PCDH11X: variants seen among roughly 807,000 people sequenced by gnomAD.
PCDH11X encodes the protein protocadherin-11 X-linked.
In PCDH11X, 18 loss-of-function variants were observed where a neutral mutation model predicts 53.3. The observed-to-expected ratio is 0.34, with a 90% CI of 0.23 to 0.50. PCDH11X has a LOEUF of 0.50. Among genes scored for constraint, PCDH11X ranks in the 20% least tolerant of loss-of-function variants. The probability of loss-of-function intolerance (pLI) is 0.98; values close to 1 mark genes in which losing one functional copy is unlikely to be tolerated. For synonymous variants in PCDH11X, 279 were observed against 393.3 expected (o/e 0.71, Z 3.44); for missense variants, 570 against 1,032.4 (o/e 0.55, Z 6.14).
intron 9 of PCDH11X, among the ~76,000 whole-genome samples, chrX:92,466,189 T>A (rs1206273281): frequency 9.0e-6 from 1 of 111,020 alleles, no homozygotes; most frequent in Non-Finnish European, 1.9e-5. Flanking sequence ...AAAATTCGGT[T>A]GGATTATTTA....
intron 8 of PCDH11X, among the ~76,000 whole-genome samples, chrX:92,295,594 A>G: frequency 9.1e-6 from 1 of 110,147 alleles, no homozygotes; most frequent in Non-Finnish European, 1.9e-5. Flanking sequence ...TCTTAGTGAG[A>G]AAGCACCCAA....
intron 6 of PCDH11X, among the ~76,000 whole-genome samples, chrX:92,160,171 T>C (rs2065616033): frequency 1.8e-5 from 2 of 109,600 alleles, no homozygotes; most frequent in African/African-American, 6.7e-5. Flanking sequence ...TTTTTTAATT[T>C]CCATAGGTTA....
intron 6 of PCDH11X, among the ~76,000 whole-genome samples, chrX:92,025,754 CAT>C (rs2062960866): frequency 9.3e-6 from 1 of 107,985 alleles, no homozygotes; most frequent in Non-Finnish European, 1.9e-5. Context: ...CACAAGCACA[CAT>C]ATGTTTATTG....
intron 6 of PCDH11X, among the ~76,000 whole-genome samples, chrX:91,892,231 C>A (rs1007779352): frequency 9.4e-6 from 1 of 106,677 alleles, no homozygotes; most frequent in African/African-American, 3.4e-5. Flanking sequence ...TGACATTTGT[C>A]CCGTTGCCAT....
chrX:92,128,295 T>C (rs1309371409), intron 6 of PCDH11X, among the ~76,000 whole-genome samples: 1 of 110,740 alleles, frequency 9.0e-6, no homozygotes, highest in Admixed American at 9.8e-5. Context: ...GGAATACACC[T>C]GCTGAAAAAT....
chrX:91,982,586 A>G, intron 6 of PCDH11X: 1 of 502,561 alleles, frequency 2.0e-6, no homozygotes, highest in Non-Finnish European at 3.5e-6. Context: ...ATTAAAAGAT[A>G]CACTAAATTC....
chrX:91,938,697 A>G (rs2147852052), intron 6 of PCDH11X, among the ~76,000 whole-genome samples: 1 of 111,107 alleles, frequency 9.0e-6, no homozygotes, highest in African/African-American at 3.3e-5. Flanking sequence ...ATACATGGCT[A>G]GAAATAGTGC....
At chrX:92,161,246 A>G (rs752261852) in intron 6 of PCDH11X, among the ~76,000 whole-genome samples, 12 of 111,745 alleles carry the variant, frequency 1.1e-4, no homozygotes, top group Non-Finnish European at 1.9e-4. Flanking sequence ...GTTTGTCTGA[A>G]AAAGACTGTA....
At chrX:92,556,800 C>T (rs886656084) in intron 10 of PCDH11X, among the ~76,000 whole-genome samples, 1 of 105,108 alleles carries the variant, frequency 9.5e-6, no homozygotes, top group Non-Finnish European at 2.0e-5. Context: ...TCACATTTCC[C>T]TTCTGCACTG....
At chrX:92,148,166 TTCCTTCC>T (rs1569389465) in intron 6 of PCDH11X, among the ~76,000 whole-genome samples, 1 of 44,164 alleles carries the variant, frequency 2.3e-5, no homozygotes, top group African/African-American at 9.9e-5. Flanking sequence ...CCTTCCTTCC[TTCCTTCC>T]TTCTTTCTTT....
chrX:92,310,049 T>C (rs1247684857), intron 8 of PCDH11X, among the ~76,000 whole-genome samples: 1 of 112,342 alleles, frequency 8.9e-6, no homozygotes, highest in Non-Finnish European at 1.9e-5. Flanking sequence ...CTTGTTTTCT[T>C]ACTCGGGTTT....
intron 5 of PCDH11X, among the ~76,000 whole-genome samples, chrX:91,869,891 C>T (rs1446243694): frequency 9.0e-6 from 1 of 111,552 alleles, no homozygotes; most frequent in African/African-American, 3.2e-5. Context: ...TGCAAGTGCA[C>T]GTGTGAGCAC....
At chrX:92,073,170 G>A (rs2063727910) in intron 6 of PCDH11X, among the ~76,000 whole-genome samples, 1 of 111,761 alleles carries the variant, frequency 8.9e-6, no homozygotes, top group African/African-American at 3.3e-5. Flanking sequence ...CACAACCTGG[G>A]GCTGGGGGAA....
At position 92,062,877 on chromosome X, in the gene PCDH11X, C is replaced by T. The variant is rs746473849; in HGVS notation, c.3034-138498C>T. Among the ~76,000 whole-genome samples, 7 of 111,407 alleles carry T rather than the reference C, an allele frequency of 6.3e-5. No homozygotes were observed. The South Asian group carries it at 2.7e-3, about 43-fold the overall frequency. On this transcript the variant is annotated intron_variant, in intron 6 of 10. Transcript: ENST00000682573. ...AACCAAGGGATTATAAATCATTCTA[C>T]TAAAAAGACACATGCACACTTATGT...
rs5984822 is a variant in PCDH11X at position 91,809,083 on chromosome X, A to G, written c.-378-383A>G. 6.9e-3 allele frequency among the ~76,000 whole-genome samples: 744 copies of G among 107,602 alleles called. 6 individuals carry two copies. The highest frequency in any genetic ancestry group is 0.024 in the African/African-American group (703 of 29,045). The allele number at this position is 107,602 out of a possible 115,157, so 93.4% of individuals were successfully genotyped here. On this transcript the variant is annotated intron_variant, in intron 1 of 10. Transcript: ENST00000682573. The stretch of plus-strand genomic sequence containing the variant: ...TTACTTAGTCTCAACATTTTCTTAT[A>G]AAACATATTCTTCTTCTGTCTTTGC...
At chrX:92,288,303 T>C (rs1323752735) in intron 8 of PCDH11X, among the ~76,000 whole-genome samples, 1 of 110,979 alleles carries the variant, frequency 9.0e-6, no homozygotes, top group African/African-American at 3.3e-5. Flanking sequence ...TTATACTACC[T>C]TTTAGGAAGA....
At chrX:92,242,096 T>TGA (rs769056157) in intron 7 of PCDH11X, among the ~76,000 whole-genome samples, 1 of 98,327 alleles carries the variant, frequency 1.0e-5, no homozygotes, top group South Asian at 4.9e-4. Context: ...AACCTCCATC[T>TGA]CAAAAAAAAA....
At chrX:92,141,274 G>T (rs1310503126) in intron 6 of PCDH11X, among the ~76,000 whole-genome samples, 1 of 111,128 alleles carries the variant, frequency 9.0e-6, no homozygotes, top group African/African-American at 3.3e-5. Flanking sequence ...ATTTTTCATT[G>T]TTTATGTTAT....
chrX:92,479,696 C>T (rs1325647831), intron 10 of PCDH11X, among the ~76,000 whole-genome samples: 1 of 107,697 alleles, frequency 9.3e-6, no homozygotes, highest in African/African-American at 3.4e-5. Flanking sequence ...TCTTTTCTGG[C>T]TTGTGAGGTT....
Sources: gnomAD v4.1 joint callset for allele counts (sites outside exome capture counted in the v4.1 genomes callset) on GRCh38, gnomAD v4.1.1 for gene constraint, MANE v1.5 for transcripts, NCBI Gene and HGNC (gene_info 2026-07-23, HGNC 2026-07-21) for gene names.